ZFAND4: variants seen among roughly 807,000 people sequenced by gnomAD.
The protein encoded by ZFAND4 is zinc finger AN1-type containing 4, also known as AN1-type zinc finger protein 4.
Under a neutral mutation model 64.4 loss-of-function variants are expected in ZFAND4, and 43 were observed. The ratio of observed to expected loss-of-function variants is 0.67; its 90% CI spans 0.52 to 0.86. ZFAND4 has a LOEUF of 0.86. Ranked by LOEUF, ZFAND4 falls within the 40% of genes least tolerant of loss-of-function variation. The probability of loss-of-function intolerance (pLI) is 0.00; values close to 1 mark genes in which losing one functional copy is unlikely to be tolerated. For synonymous variants in ZFAND4, 296 were observed against 305.7 expected, an observed-to-expected ratio of 0.97 and a Z score of 0.33; for missense variants, 929 against 859.8, an observed-to-expected ratio of 1.08 and a Z score of -1.01.
In ZFAND4 at chr10:45,640,220, T is replaced by C. The variant is rs188127558; in HGVS notation, c.570-257A>G. Reference sequence around the variant, plus strand: ...TTCTCTGAATTCAGTATATCATAAATGAAGATGTTTTGACACCTGCCATAT... The same window carrying C: ...TTCTCTGAATTCAGTATATCATAAACGAAGATGTTTTGACACCTGCCATAT... On this transcript the variant is annotated intron_variant, in intron 5 of 9. Transcript: ENST00000344646. The C allele has an allele frequency of 1.2e-4, 149 of 1,234,020 alleles. 2 individuals are homozygous for C. The highest frequency in any genetic ancestry group is 4.5e-5 in the Non-Finnish European group (44 of 979,268). 76.4% of individuals were successfully genotyped at this position (1,234,020 alleles called of 1,614,324 possible).
intron 7 of ZFAND4, among the ~76,000 whole-genome samples, 172 bp from the exon 8 acceptor site, chr10:45,624,809 G>A (rs928892966): frequency 6.6e-6 from 1 of 152,094 alleles, no homozygotes; most frequent in East Asian, 1.9e-4. Context: ...TCCACATCTA[G>A]CAATATCGTG....
intron 6 of ZFAND4, among the ~76,000 whole-genome samples, chr10:45,628,501 G>C (rs1392900860): frequency 6.6e-6 from 1 of 152,110 alleles, no homozygotes; most frequent in East Asian, 1.9e-4. Flanking sequence ...TAGAGATGGG[G>C]TTTCTCTATG....
chr10:45,627,183 T>G (rs1351755812), intron 6 of ZFAND4, 78 bp from the exon 7 acceptor site: 33 of 1,191,992 alleles, frequency 2.8e-5, no homozygotes, highest in Non-Finnish European at 3.5e-5. Context: ...AGGAAGAAAA[T>G]GTTACTTACC....
intron 6 of ZFAND4, among the ~76,000 whole-genome samples, chr10:45,630,891 AG>A (rs1157278954): frequency 6.6e-6 from 1 of 151,764 alleles, no homozygotes; most frequent in East Asian, 1.9e-4. Flanking sequence ...ACTTGAGCCC[AG>A]GAGTTCGAGG....
At chr10:45,639,727 A>G in intron 6 of ZFAND4, 89 bp downstream of exon 6, 1 of 1,432,952 alleles carries the variant, frequency 7.0e-7, no homozygotes, top group African/African-American at 1.4e-5. Flanking sequence ...ATACTTTATA[A>G]TTTTTTCACA....
chr10:45,635,204 AAAAAAAAAACAAAAAAAAAACAAAC>A (rs1564580154), intron 6 of ZFAND4, among the ~76,000 whole-genome samples: 4 of 144,984 alleles, frequency 2.8e-5, no homozygotes, highest in East Asian at 2.0e-4. Context: ...GCAAAAAAAA[AAAAAAAAAACAAAAAAAAAACAAAC>A]AAAAAAAAAC....
In ZFAND4 at chr10:45,664,962, C is replaced by A. The variant is rs185630318; in HGVS notation, c.-117-1120G>T. On this transcript the variant is annotated intron_variant, in intron 1 of 9. Coordinates refer to ENST00000344646, the MANE Select transcript of ZFAND4 (RefSeq NM_174890.4). ...CAAAAAAAAGTAGTACTCACTAAATCATCAACGGTTTCCAGAGGATATTAT... is the reference window on the plus strand; with the variant it reads ...CAAAAAAAAGTAGTACTCACTAAATAATCAACGGTTTCCAGAGGATATTAT... Among the ~76,000 whole-genome samples the A allele has an allele frequency of 2.6e-3, 398 of 152,112 alleles. 3 individuals are homozygous for A. Among genetic ancestry groups the A allele is most frequent in the African/African-American group, 9.1e-3 (379 of 41,504 alleles).
At chr10:45,667,142 T>G (rs2048874703) in intron 1 of ZFAND4, among the ~76,000 whole-genome samples, 1 of 152,208 alleles carries the variant, frequency 6.6e-6, no homozygotes, top group Non-Finnish European at 1.5e-5. Flanking sequence ...TCTAATTTAT[T>G]TCAATGTTTT....
Position 45,665,635 on chromosome 10 carries a change from A to G in ZFAND4, c.-117-1793T>C, listed in dbSNP as rs538366705. Among the ~76,000 whole-genome samples the G allele has an allele frequency of 1.3e-3, 194 of 152,106 alleles. 1 individual carries two copies. The highest frequency in any genetic ancestry group is 4.3e-3 in the African/African-American group (179 of 41,536). ...AAATTCACTGGTTTTTATGATGTAC[A>G]CAGAGTTGTGCAACAATCACCACAT... On this transcript the variant is annotated intron_variant, in intron 1 of 9. Coordinates refer to ENST00000344646, the MANE Select transcript of ZFAND4 (RefSeq NM_174890.4).
chr10:45,658,267 T>C (rs1177418824), intron 2 of ZFAND4, among the ~76,000 whole-genome samples: 1 of 152,142 alleles, frequency 6.6e-6, no homozygotes, highest in Admixed American at 6.5e-5. Context: ...AAGGAGATTA[T>C]CACATGAGAA....
At chr10:45,630,669 C>T (rs1388846509) in intron 6 of ZFAND4, among the ~76,000 whole-genome samples, 7 of 151,744 alleles carry the variant, frequency 4.6e-5, no homozygotes, top group African/African-American at 1.2e-4. Flanking sequence ...AAGCTTGCAG[C>T]GAGCCAAGAT....
At chr10:45,666,964 C>G (rs1397792060) in intron 1 of ZFAND4, among the ~76,000 whole-genome samples, 2 of 152,116 alleles carry the variant, frequency 1.3e-5, no homozygotes, top group African/African-American at 4.8e-5. Context: ...AGATTGTTGG[C>G]TATTCTGGAC....
intron 8 of ZFAND4, among the ~76,000 whole-genome samples, chr10:45,624,109 C>T (rs2045625331): frequency 6.6e-6 from 1 of 152,186 alleles, no homozygotes; most frequent in South Asian, 2.1e-4. Flanking sequence ...GTCATGGTCA[C>T]TTCCACTAAT....
intron 2 of ZFAND4, among the ~76,000 whole-genome samples, chr10:45,657,551 T>C (rs1417938094): frequency 6.6e-6 from 1 of 152,218 alleles, no homozygotes; most frequent in African/African-American, 2.4e-5. Flanking sequence ...AAGTTAACTA[T>C]ATACTTCCTA....
intron 2 of ZFAND4, among the ~76,000 whole-genome samples, chr10:45,654,199 A>G (rs1234758725): frequency 1.3e-5 from 2 of 152,192 alleles, no homozygotes; most frequent in Non-Finnish European, 2.9e-5. Context: ...TTGAAAAACT[A>G]CCTATCGAGT....
At chr10:45,657,629 T>C (rs2048215349) in intron 2 of ZFAND4, among the ~76,000 whole-genome samples, 1 of 152,184 alleles carries the variant, frequency 6.6e-6, no homozygotes, top group South Asian at 2.1e-4. Flanking sequence ...TCCATAAAAA[T>C]GTGTATGTGA....
chr10:45,625,035 G>A (rs531398074), intron 7 of ZFAND4, among the ~76,000 whole-genome samples: 1 of 152,094 alleles, frequency 6.6e-6, no homozygotes, highest in South Asian at 2.1e-4. Flanking sequence ...AAGTTAGCCA[G>A]GCATGGTGGC....
intron 8 of ZFAND4, among the ~76,000 whole-genome samples, chr10:45,623,848 G>T (rs2045607315): frequency 6.6e-6 from 1 of 152,038 alleles, no homozygotes; most frequent in Non-Finnish European, 1.5e-5. Context: ...ATAACCTTGG[G>T]CCTTACATAG....
chr10:45,656,970 G>C (rs1371103346), intron 2 of ZFAND4, among the ~76,000 whole-genome samples: 2 of 150,668 alleles, frequency 1.3e-5, no homozygotes, highest in Non-Finnish European at 3.0e-5. Context: ...AACTTCTGTT[G>C]TTTAAGACAT....
Sources: allele counts gnomAD v4.1 joint callset (sites outside exome capture counted in the v4.1 genomes callset), GRCh38; gene constraint gnomAD v4.1.1; transcripts MANE v1.5; gene names NCBI Gene and HGNC (gene_info 2026-07-23, HGNC 2026-07-21).